Variants in PCDHGA3 observed in about 807,000 individuals in gnomAD.
The protein encoded by PCDHGA3 is protocadherin gamma-A3.
A neutral mutation model predicts 58.5 loss-of-function variants in PCDHGA3; 40 were observed. The observed-to-expected ratio is 0.68, with a 90% CI of 0.53 to 0.89. The LOEUF (loss-of-function observed/expected upper bound fraction) is 0.89, where lower values mean the gene tolerates loss of function less well. PCDHGA3 is among the 40% of genes least tolerant of loss of function. The pLI is 0.00. For missense variants in PCDHGA3, 1,223 were observed against 1,195.9 expected (o/e 1.02, Z -0.33); for synonymous variants, 530 against 525.7 (o/e 1.01, Z -0.11).
intron 1 of PCDHGA3, chr5:141,362,347 G>T: frequency 6.2e-7 from 1 of 1,614,042 alleles, no homozygotes; most frequent in Non-Finnish European, 8.5e-7. Context: ...GCCTGGACCT[G>T]GGGTTCTCCC....
At position 141,463,438 on chromosome 5, in the gene PCDHGA3, C is replaced by CTTTTT. The variant is rs71576115; in HGVS notation, c.2425-31345_2425-31341dup. On this transcript the variant is annotated intron_variant, in intron 1 of 3. Coordinates refer to ENST00000253812, the MANE Select transcript of PCDHGA3 (RefSeq NM_018916.4). ...GTTTGCGGATCCTCATTTCCTTCTC[C>CTTTTT]TTTTTTTTTTTTTTTTTTTTTTTTT... is the stretch of plus-strand genomic sequence containing the variant. 3.0e-4 allele frequency among the ~76,000 whole-genome samples: 31 copies of CTTTTT among 103,252 alleles called. 1 individual carries two copies. Among genetic ancestry groups the CTTTTT allele is most frequent in the African/African-American group, 1.2e-3 (26 of 22,402 alleles). The allele number at this position is 103,252 out of a possible 152,430, so 67.7% of individuals were successfully genotyped here.
chr5:141,366,307 G>C lies in PCDHGA3; in HGVS notation c.2424+19850G>C, dbSNP rs539472764. On this transcript the variant is annotated intron_variant, in intron 1 of 3. Transcript: ENST00000253812. Reference sequence around the variant, plus strand: ...AGCCCCCTCTGTCAGCCACCTTCACGGTCACCGTTGCCGTGGCCGACAGGA... The same window carrying C: ...AGCCCCCTCTGTCAGCCACCTTCACCGTCACCGTTGCCGTGGCCGACAGGA... The C allele has an allele frequency of 7.4e-6, 12 of 1,613,630 alleles. No individual in the cohort carries two copies. In the East Asian group the frequency reaches 2.2e-4, roughly 30 times the overall value.
intron 1 of PCDHGA3, among the ~76,000 whole-genome samples, chr5:141,438,517 T>G (rs975190211): frequency 6.7e-6 from 1 of 148,384 alleles, no homozygotes; most frequent in Non-Finnish European, 1.5e-5. Context: ...AAACCAATTA[T>G]TTTACATGGA....
At position 141,485,704 on chromosome 5, in the gene PCDHGA3, CTT is replaced by C; in HGVS notation, c.2425-9101_2425-9100del. On this transcript the variant is annotated intron_variant, in intron 1 of 3. Coordinates refer to ENST00000253812, the MANE Select transcript of PCDHGA3 (RefSeq NM_018916.4). The surrounding 1 kb of genome is among the most constrained non-coding windows in gnomAD (Gnocchi z 5.7). ...GCTATAGGCTGAGCTCCAATGAACA[CTT>C]TGCACTGGATGTGAAGAAGCGCAGC... is the stretch of plus-strand genomic sequence containing the variant. 6.2e-7 allele frequency: 1 copy of C among 1,614,180 alleles called. No homozygotes were observed. The highest frequency in any genetic ancestry group is 8.5e-7 in the Non-Finnish European group (1 of 1,180,032).
At chr5:141,507,432 C>T (rs2099860585) in intron 3 of PCDHGA3, 1 of 152,198 alleles carries the variant, frequency 6.6e-6, no homozygotes. Flanking sequence ...GGGGCCAGGC[C>T]TACAGCTGAC....
At chr5:141,355,075 T>G in intron 1 of PCDHGA3, 2 of 1,395,680 alleles carry the variant, frequency 1.4e-6, no homozygotes, top group Non-Finnish European at 1.9e-6. Flanking sequence ...TTATGAAAGC[T>G]TCAAGCGGAA....
chr5:141,410,560 A>G (rs769354927), intron 1 of PCDHGA3: 3 of 1,612,824 alleles, frequency 1.9e-6, no homozygotes, highest in African/African-American at 1.3e-5. Flanking sequence ...TTTCTCCTGG[A>G]GCCTTAATTC....
At chr5:141,461,989 A>G (rs2099028358) in intron 1 of PCDHGA3, among the ~76,000 whole-genome samples, 1 of 152,074 alleles carries the variant, frequency 6.6e-6, no homozygotes, top group African/African-American at 2.4e-5. Flanking sequence ...ACGCCAGGCT[A>G]ATTTTGTATT....
At chr5:141,409,201 AATC>A (rs1377420843) in intron 1 of PCDHGA3, 1 of 1,614,044 alleles carries the variant, frequency 6.2e-7, no homozygotes, top group Non-Finnish European at 8.5e-7. Context: ...AGTGTAAAGT[AATC>A]ATAGAAATCC....
intron 1 of PCDHGA3, among the ~76,000 whole-genome samples, chr5:141,473,431 G>T (rs541546681): frequency 3.3e-5 from 5 of 152,148 alleles, no homozygotes; most frequent in Non-Finnish European, 7.3e-5. Flanking sequence ...CAGATACTTT[G>T]CTTATGCAAA....
chr5:141,415,041 G>T, intron 1 of PCDHGA3: 1 of 1,613,530 alleles, frequency 6.2e-7, no homozygotes, highest in Non-Finnish European at 8.5e-7. Flanking sequence ...GACTCTTCGC[G>T]GTGGGGGAGC....
Position 141,371,610 on chromosome 5 carries a change from A to G in PCDHGA3, c.2424+25153A>G, listed in dbSNP as rs1767883802. 2.5e-6 allele frequency: 4 copies of G among 1,613,888 alleles called. No homozygotes were observed. In the East Asian group the frequency reaches 8.9e-5, roughly 36 times the overall value. On this transcript the variant is annotated intron_variant, in intron 1 of 3. Coordinates refer to ENST00000253812, the MANE Select transcript of PCDHGA3 (RefSeq NM_018916.4). ...TACCAAAAACACATACAGGTTGGTG[A>G]CAGATGGAGCCCTGGACCGGGAGCA...
intron 1 of PCDHGA3, chr5:141,409,784 T>G: frequency 3.1e-6 from 5 of 1,612,248 alleles, no homozygotes; most frequent in Non-Finnish European, 4.2e-6. Flanking sequence ...GCTGCGCGCC[T>G]TCGCGCTCAC....
intron 1 of PCDHGA3, chr5:141,364,536 G>A (rs759992552): frequency 6.2e-7 from 1 of 1,614,006 alleles, no homozygotes; most frequent in Non-Finnish European, 8.5e-7. Context: ...ATCGTCTCCA[G>A]AGGTAGGACG....
intron 1 of PCDHGA3, among the ~76,000 whole-genome samples, chr5:141,386,574 G>A (rs2090626331): frequency 6.6e-6 from 1 of 151,752 alleles, no homozygotes; most frequent in African/African-American, 2.4e-5. Flanking sequence ...GATAGACTCT[G>A]TACAATAGTG....
At chr5:141,364,335 C>A in intron 1 of PCDHGA3, 1 of 1,532,788 alleles carries the variant, frequency 6.5e-7, no homozygotes, top group South Asian at 1.3e-5. Flanking sequence ...AAGGCAATGG[C>A]GAGTCCACCT....
intron 1 of PCDHGA3, chr5:141,430,960 C>T (rs2097330619): frequency 6.2e-7 from 1 of 1,612,432 alleles, no homozygotes; most frequent in Non-Finnish European, 8.5e-7. Context: ...TCCGCATCAT[C>T]CCCAGAGGTA....
Position 141,376,767 on chromosome 5 carries a change from A to G in PCDHGA3, c.2424+30310A>G. The G allele has an allele frequency of 7.0e-6, 3 of 425,754 alleles. No individual in the cohort carries two copies. The South Asian group carries it at 8.7e-5, about 12-fold the overall frequency. 26.4% of individuals were successfully genotyped at this position (425,754 alleles called of 1,614,324 possible). On this transcript the variant is annotated intron_variant, in intron 1 of 3. Coordinates refer to ENST00000253812, the MANE Select transcript of PCDHGA3 (RefSeq NM_018916.4). The stretch of plus-strand genomic sequence containing the variant: ...AGTGGCGCAATCTCGGCTCACTGCA[A>G]GCTCCGCTTCCCGGGTTCACGCCAT...
intron 1 of PCDHGA3, chr5:141,426,408 G>A (rs2096933631): frequency 1.2e-5 from 3 of 258,388 alleles, no homozygotes; most frequent in South Asian, 4.8e-5. Flanking sequence ...CAGAAGAAAC[G>A]GTCCAGGGCT....
Sources: gnomAD v4.1 joint callset for allele counts (sites outside exome capture counted in the v4.1 genomes callset) on GRCh38, gnomAD v4.1.1 for gene constraint, Gnocchi (gnomAD v3.1) non-coding constraint, MANE v1.5 for transcripts, NCBI Gene and HGNC (gene_info 2026-07-23, HGNC 2026-07-21) for gene names.